SHQ1: variants seen among roughly 807,000 people sequenced by gnomAD.
SHQ1 encodes the protein protein SHQ1 homolog.
Under a neutral mutation model 53.8 loss-of-function variants are expected in SHQ1, and 49 were observed. The observed-to-expected ratio is 0.91, with a 90% CI of 0.72 to 1.16. The LOEUF is 1.16. Ranked by LOEUF, SHQ1 falls within the 50% of genes most tolerant of loss-of-function variation. The pLI is 0.00. For synonymous variants in SHQ1, 243 were observed against 251.0 expected, an observed-to-expected ratio of 0.97 and a Z score of 0.30; for missense variants, 738 against 683.1, an observed-to-expected ratio of 1.08 and a Z score of -0.90.
chr3:72,812,430 T>C (rs1018492182), intron 9 of SHQ1, among the ~76,000 whole-genome samples: 2 of 152,242 alleles, frequency 1.3e-5, no homozygotes, highest in African/African-American at 4.8e-5. Flanking sequence ...TGCAATACTA[T>C]GTGTGCCTTC....
intron 9 of SHQ1, among the ~76,000 whole-genome samples, chr3:72,804,788 G>A (rs1229671438): frequency 6.6e-6 from 1 of 152,214 alleles, no homozygotes; most frequent in Non-Finnish European, 1.5e-5. Flanking sequence ...CCAAGAGTTT[G>A]AAGTTGCAAT....
At chr3:72,825,270 A>G (rs1707615794) in intron 5 of SHQ1, among the ~76,000 whole-genome samples, 1 of 151,960 alleles carries the variant, frequency 6.6e-6, no homozygotes. Flanking sequence ...TCAATAAAGG[A>G]AAAAATTTTT....
Position 72,832,376 on chromosome 3 carries a change from G to T in SHQ1, c.592C>A (p.His198Asn). The part of the protein sequence containing the change: ...AAELAKFDPD[H>N]YLADFFEDEA... ...AAAAATCTCATTACTCACAGATAAT[G>T]ATCAGGATCAAACTTGGCCAGCTCA... Residue 198 changes from histidine (H) to asparagine (N), a missense_variant, in exon 5 of 11, where the codon CAT becomes AAT. By Grantham distance (68) the His-to-Asn change is moderately conservative. Transcript: ENST00000325599. The T allele has an allele frequency of 1.2e-6, 2 of 1,607,252 alleles. No homozygotes were observed. Among genetic ancestry groups the T allele is most frequent in the Non-Finnish European group, 8.5e-7 (1 of 1,175,878 alleles).
intron 10 of SHQ1, among the ~76,000 whole-genome samples, chr3:72,789,986 T>G (rs1292197282): frequency 7.2e-5 from 11 of 152,192 alleles, no homozygotes; most frequent in Admixed American, 7.2e-4. Flanking sequence ...ACCTGACCTA[T>G]CTCTTATAAG....
intron 9 of SHQ1, 70 bp from the exon 10 acceptor site, chr3:72,793,106 T>G: frequency 7.4e-7 from 1 of 1,350,658 alleles, no homozygotes; most frequent in Admixed American, 2.2e-5. Flanking sequence ...AGGTAATATA[T>G]CTAAAGCAGC....
intron 10 of SHQ1, among the ~76,000 whole-genome samples, chr3:72,771,425 T>C (rs1705848103): frequency 6.6e-6 from 1 of 152,180 alleles, no homozygotes; most frequent in African/African-American, 2.4e-5. Context: ...GATTGTGAAC[T>C]AGCTAGCAAA....
intron 9 of SHQ1, among the ~76,000 whole-genome samples, chr3:72,803,393 G>C (rs1439513798): frequency 1.3e-5 from 2 of 152,024 alleles, no homozygotes; most frequent in Non-Finnish European, 2.9e-5. Context: ...TCATTTACCT[G>C]CTTGGCGAAG....
chr3:72,772,539 C>G (rs148652264), intron 10 of SHQ1: 6,727 of 663,360 alleles, frequency 0.01, 58 homozygotes, highest in Middle Eastern at 0.026. Flanking sequence ...ACAACCTAAG[C>G]TTTAGAGCAT....
At chr3:72,769,996 GATC>G (rs1470710923) in intron 10 of SHQ1, among the ~76,000 whole-genome samples, 2 of 152,212 alleles carry the variant, frequency 1.3e-5, no homozygotes, top group African/African-American at 4.8e-5. Flanking sequence ...GGGCTTGTGA[GATC>G]ATCAAGAGAG....
At chr3:72,822,925 G>A (rs1415694577) in intron 6 of SHQ1, among the ~76,000 whole-genome samples, 2 of 152,036 alleles carry the variant, frequency 1.3e-5, no homozygotes, top group Non-Finnish European at 2.9e-5. Flanking sequence ...CGAGGCTGGC[G>A]GATCACAAGG....
chr3:72,748,972 C>CAA (rs1705310978), downstream of SHQ1, among the ~76,000 whole-genome samples: 1 of 56,640 alleles, frequency 1.8e-5, no homozygotes, highest in Non-Finnish European at 3.1e-5. Flanking sequence ...CACGCACACG[C>CAA]ACACACACAC....
chr3:72,796,101 CAAAAA>C (rs555086403), intron 9 of SHQ1, among the ~76,000 whole-genome samples: 9 of 40,530 alleles, frequency 2.2e-4, no homozygotes, highest in South Asian at 2.4e-3. Context: ...GACTCCATCT[CAAAAA>C]AAAAAAAAAA....
At chr3:72,758,857 G>A (rs912268846) in intron 10 of SHQ1, among the ~76,000 whole-genome samples, 4 of 152,136 alleles carry the variant, frequency 2.6e-5, no homozygotes, top group Non-Finnish European at 4.4e-5. Context: ...GTGAGCCACC[G>A]CACCTGGCCA....
chr3:72,815,228 T>C, intron 8 of SHQ1, 122 bp downstream of exon 8: 2 of 772,244 alleles, frequency 2.6e-6, no homozygotes. Context: ...AACATACTTG[T>C]ACAATAGAGC....
chr3:72,824,761 A>G (rs1471174545), intron 5 of SHQ1, among the ~76,000 whole-genome samples: 2 of 151,746 alleles, frequency 1.3e-5, no homozygotes, highest in African/African-American at 4.8e-5. Context: ...GTATCTGCCT[A>G]AAGGGATATA....
chr3:72,799,126 C>T (rs948468145), intron 9 of SHQ1, among the ~76,000 whole-genome samples: 2 of 150,744 alleles, frequency 1.3e-5, no homozygotes, highest in Non-Finnish European at 3.0e-5. Context: ...AGTCTGAGAC[C>T]GGGCAACACA....
chr3:72,797,350 C>A (rs753962672), intron 9 of SHQ1, among the ~76,000 whole-genome samples: 2 of 152,168 alleles, frequency 1.3e-5, no homozygotes, highest in Non-Finnish European at 2.9e-5. Flanking sequence ...ATCCACTGAG[C>A]AAATATGTGA....
Position 72,791,602 on chromosome 3 carries a change from G to A in SHQ1, c.1181+1314C>T, listed in dbSNP as rs115904401. Among the ~76,000 whole-genome samples, 799 of 152,228 alleles carry A rather than the reference G, an allele frequency of 5.2e-3. 10 individuals are homozygous for A. The highest frequency in any genetic ancestry group is 0.018 in the African/African-American group (752 of 41,530). On this transcript the variant is annotated intron_variant, in intron 10 of 10. Transcript: ENST00000325599. ...AAAGCATTTATTTATCAATCATGGCGGTAGCAAAAATATCAAGACTATTTT... is the reference window on the plus strand; with the variant it reads ...AAAGCATTTATTTATCAATCATGGCAGTAGCAAAAATATCAAGACTATTTT...
the SHQ1 span, among the ~76,000 whole-genome samples, chr3:72,727,600 T>C: frequency 6.6e-6 from 1 of 152,318 alleles, no homozygotes; most frequent in Admixed American, 6.5e-5. Flanking sequence ...GAATGCGTTT[T>C]TGTTTTGTTT....
Sources: allele counts gnomAD v4.1 joint callset (sites outside exome capture counted in the v4.1 genomes callset), GRCh38; gene constraint gnomAD v4.1.1; transcripts MANE v1.5; gene names NCBI Gene and HGNC (gene_info 2026-07-23, HGNC 2026-07-21).